The following RYR3 variants were observed in gnomAD, a reference collection of about 807,000 sequenced individuals.
The protein encoded by RYR3 is brain ryanodine receptor-calcium release channel.
Under a neutral mutation model 584.3 loss-of-function variants are expected in RYR3, and 207 were observed. The observed-to-expected ratio is 0.35, with a 90% CI of 0.32 to 0.40. The LOEUF (loss-of-function observed/expected upper bound fraction) is 0.40. RYR3 is among the 10% of genes least tolerant of loss of function. The probability of loss-of-function intolerance (pLI) is 1.00; values close to 1 mark genes in which losing one functional copy is unlikely to be tolerated. For synonymous variants in RYR3, 2,416 were observed against 2,248.5 expected (o/e 1.07, Z -2.11); for missense variants, 5,616 against 6,089.2 (o/e 0.92, Z 2.59).
intron 20 of RYR3, among the ~76,000 whole-genome samples, chr15:33,625,482 T>A (rs1029268219): frequency 2.0e-5 from 3 of 152,188 alleles, no homozygotes; most frequent in African/African-American, 7.2e-5. Flanking sequence ...ATCTGGGTCC[T>A]GTATATTCTA....
In RYR3 at chr15:33,423,691, G is replaced by T. The variant is rs890541724; in HGVS notation, c.52-49728G>T. ...TTAATATTGTCATAGCCATCCTAGT[G>T]GGTGTGAAGTAGAATCTCATTGTGC... On this transcript the variant is annotated intron_variant, in intron 1 of 103. Coordinates refer to ENST00000634891, the MANE Select transcript of RYR3 (RefSeq NM_001036.6). 2.0e-5 allele frequency among the ~76,000 whole-genome samples: 3 copies of T among 151,890 alleles called. 1 individual carries two copies. The South Asian group carries it at 6.2e-4, about 32-fold the overall frequency.
chr15:33,712,027 C>G (rs534652548), intron 43 of RYR3, among the ~76,000 whole-genome samples: 1 of 152,284 alleles, frequency 6.6e-6, no homozygotes, highest in African/African-American at 2.4e-5. Flanking sequence ...GCAGGCTTTA[C>G]AGGAAGCATG....
At chr15:33,839,048 A>T in intron 89 of RYR3, 90 bp downstream of exon 89, 1 of 1,453,634 alleles carries the variant, frequency 6.9e-7, no homozygotes. Context: ...CCATTTCCCT[A>T]GGAGCCAACA....
Position 33,785,849 on chromosome 15 carries a change from C to T in RYR3, c.9456C>T (p.Asn3152=). 2 of 1,613,912 alleles carry T rather than the reference C, an allele frequency of 1.2e-6. No homozygotes were observed. Among genetic ancestry groups the T allele is most frequent in the Non-Finnish European group, 1.7e-6 (2 of 1,179,862 alleles). ...ACTGGTGGGAGCGGGGTCCTGAGAACCTGCCCCCCAGCACAGGGCCATGCT... is the reference window on the plus strand; with the variant it reads ...ACTGGTGGGAGCGGGGTCCTGAGAATCTGCCCCCCAGCACAGGGCCATGCT... ...LSYWWERGPE[N]LPPSTGPCCT... is the part of the protein sequence containing the mutation. Residue 3152 remains asparagine, a synonymous_variant, in exon 66 of 104, where the codon AAC becomes AAT. Coordinates refer to ENST00000634891, the MANE Select transcript of RYR3 (RefSeq NM_001036.6).
At chr15:33,643,397 A>T (rs1208549853) in intron 27 of RYR3, among the ~76,000 whole-genome samples, 1 of 152,150 alleles carries the variant, frequency 6.6e-6, no homozygotes, top group Non-Finnish European at 1.5e-5. Flanking sequence ...ACAAACAAGA[A>T]CACCAAACAA....
intron 19 of RYR3, among the ~76,000 whole-genome samples, chr15:33,616,707 G>A (rs2060469567): frequency 6.6e-6 from 1 of 152,300 alleles, no homozygotes; most frequent in South Asian, 2.1e-4. Context: ...AGTGCCAGTG[G>A]GGTGTGCAGC....
intron 38 of RYR3, among the ~76,000 whole-genome samples, chr15:33,691,298 G>A (rs1483951197): frequency 6.6e-6 from 1 of 152,132 alleles, no homozygotes; most frequent in Non-Finnish European, 1.5e-5. Flanking sequence ...GAGTTAATAA[G>A]AACTTCAAAA....
At chr15:33,696,624 C>T (rs2065881231) in intron 39 of RYR3, 133 bp downstream of exon 39, 5 of 947,888 alleles carry the variant, frequency 5.3e-6, no homozygotes, top group Admixed American at 5.2e-5. Flanking sequence ...TTTCACTCCT[C>T]ATGGAGTCAT....
intron 2 of RYR3, among the ~76,000 whole-genome samples, chr15:33,497,765 T>C (rs918162285): frequency 1.6e-4 from 24 of 152,158 alleles, no homozygotes; most frequent in African/African-American, 5.6e-4. Flanking sequence ...AAAATATACA[T>C]TAAATTATTG....
chr15:33,691,723 A>G (rs556520935), intron 38 of RYR3, among the ~76,000 whole-genome samples: 3 of 152,316 alleles, frequency 2.0e-5, no homozygotes, highest in Admixed American at 2.0e-4. Context: ...CACAGAGGAT[A>G]TTTTAAAGAT....
rs1356454478 is a variant in RYR3, at chr15:33,853,537, T to C, written c.13672-18T>C. 3 of 1,612,308 alleles carry C rather than the reference T, an allele frequency of 1.9e-6. No individual in the cohort carries two copies. The highest frequency in any genetic ancestry group is 2.5e-6 in the Non-Finnish European group (3 of 1,178,802). On this transcript the variant is annotated intron_variant, in intron 95 of 103. Coordinates refer to ENST00000634891, the MANE Select transcript of RYR3 (RefSeq NM_001036.6). ...GGTGGCGTGTGGCCTGAGCTCACCCTGTCATCCTTTGCTTCAGGTGATCAA... is the reference window on the plus strand; with the variant it reads ...GGTGGCGTGTGGCCTGAGCTCACCCCGTCATCCTTTGCTTCAGGTGATCAA...
rs1448775140 is a variant in RYR3 at position 33,738,441 on chromosome 15, A to G, written c.7516-9A>G. On this transcript the variant is annotated splice_polypyrimidine_tract_variant and intron_variant, in intron 49 of 103. Transcript: ENST00000634891. ...ACCCCGCTGGTCTGTCCTGTTCTGCACCTCCCAGCTTCTGACGAATCACTA... is the reference window on the plus strand; with the variant it reads ...ACCCCGCTGGTCTGTCCTGTTCTGCGCCTCCCAGCTTCTGACGAATCACTA... The G allele has an allele frequency of 1.9e-6, 3 of 1,610,150 alleles. No homozygotes were observed. The African/African-American group carries it at 4.0e-5, about 22-fold the overall frequency.
chr15:33,745,805 G>C (rs987470966), intron 52 of RYR3, among the ~76,000 whole-genome samples: 2 of 152,134 alleles, frequency 1.3e-5, no homozygotes, highest in African/African-American at 4.8e-5. Flanking sequence ...GAAACATGCT[G>C]TTTTAAGAGG....
At chr15:33,667,291 G>T (rs2152715660) in intron 36 of RYR3, among the ~76,000 whole-genome samples, 1 of 152,324 alleles carries the variant, frequency 6.6e-6, no homozygotes, top group African/African-American at 2.4e-5. Context: ...GTCACTCCAG[G>T]TGTTCAATGA....
rs114659623 is a variant in RYR3 at position 33,860,350 on chromosome 15, G to A, written c.14300-245G>A. ...GAGACCAACCAGGGAGAAGTAGAAA[G>A]GAAAGAGTTTCAGGGAGGAGCAAGT... On this transcript the variant is annotated intron_variant, in intron 100 of 103. Transcript: ENST00000634891. Among the ~76,000 whole-genome samples the A allele has an allele frequency of 2.0e-5, 3 of 152,244 alleles. 1 individual carries two copies. Among genetic ancestry groups the A allele is most frequent in the Admixed American group, 1.3e-4 (2 of 15,276 alleles).
At chr15:33,822,657 C>G (rs1456666333) in intron 80 of RYR3, among the ~76,000 whole-genome samples, 4 of 152,248 alleles carry the variant, frequency 2.6e-5, no homozygotes, top group Non-Finnish European at 4.4e-5. Flanking sequence ...TTCAGCTAGG[C>G]TCCTTACTGG....
intron 36 of RYR3, among the ~76,000 whole-genome samples, chr15:33,666,434 G>A (rs1596054669): frequency 6.6e-6 from 1 of 152,190 alleles, no homozygotes; most frequent in East Asian, 1.9e-4. Context: ...TTACCGCTAT[G>A]AGATTCAGCT....
intron 1 of RYR3, among the ~76,000 whole-genome samples, chr15:33,347,810 G>A (rs1017227947): frequency 3.3e-5 from 5 of 152,024 alleles, no homozygotes; most frequent in South Asian, 2.1e-4. Context: ...ACACTAGAAG[G>A]TATTCCAGGC....
chr15:33,731,851 C>G (rs1052757489), intron 48 of RYR3, among the ~76,000 whole-genome samples, 157 bp downstream of exon 48: 1 of 152,214 alleles, frequency 6.6e-6, no homozygotes, highest in African/African-American at 2.4e-5. Flanking sequence ...GTGCTCGGCT[C>G]CCCTATTTGC....
Sources: allele counts gnomAD v4.1 joint callset (sites outside exome capture counted in the v4.1 genomes callset), GRCh38; gene constraint gnomAD v4.1.1; transcripts MANE v1.5; gene names NCBI Gene and HGNC (gene_info 2026-07-23, HGNC 2026-07-21).